MICU1: variants seen among roughly 807,000 people sequenced by gnomAD.
MICU1 encodes mitochondrial calcium uptake 1, also known as calcium uptake protein 1, mitochondrial.
MICU1 carries 45 observed loss-of-function variants against 56.8 expected under a neutral mutation model. That is an observed-to-expected ratio of 0.79 (90% confidence interval 0.62 to 1.02). MICU1 has a LOEUF of 1.02. MICU1 is among the 50% of genes least tolerant of loss of function. MICU1 has a pLI of 0.00. For synonymous variants in MICU1, 186 were observed against 195.1 expected (o/e 0.95, Z 0.39); for missense variants, 504 against 587.1 (o/e 0.86, Z 1.46).
At chr10:72,374,951 C>T (rs1862469772) in intron 11 of MICU1, among the ~76,000 whole-genome samples, 1 of 149,962 alleles carries the variant, frequency 6.7e-6, no homozygotes, top group Admixed American at 6.7e-5. Context: ...GCTGGGATTT[C>T]AGGCACGCAC....
intron 10 of MICU1, among the ~76,000 whole-genome samples, chr10:72,401,162 G>A (rs1479149089): frequency 1.3e-5 from 2 of 152,094 alleles, no homozygotes; most frequent in Non-Finnish European, 2.9e-5. Context: ...TTAATAAAAT[G>A]AAATAAAAGG....
intron 1 of MICU1, among the ~76,000 whole-genome samples, chr10:72,598,813 A>G (rs985018888): frequency 4.9e-4 from 75 of 152,276 alleles, no homozygotes; most frequent in African/African-American, 1.7e-3. Context: ...GGAAAAAACT[A>G]TTTCAGAGCA....
intron 9 of MICU1, among the ~76,000 whole-genome samples, chr10:72,415,068 T>A (rs1282530720): frequency 3.4e-5 from 5 of 147,058 alleles, no homozygotes; most frequent in East Asian, 4.0e-4. Flanking sequence ...TAGGCTGGAG[T>A]GCAATGGAGC....
At chr10:72,493,899 C>T (rs1866750450) in intron 6 of MICU1, among the ~76,000 whole-genome samples, 2 of 152,100 alleles carry the variant, frequency 1.3e-5, no homozygotes, top group Non-Finnish European at 2.9e-5. Context: ...AAAGGTTTTG[C>T]CAATAATTTA....
At chr10:72,592,066 G>C (rs1356174934) in intron 1 of MICU1, among the ~76,000 whole-genome samples, 1 of 149,210 alleles carries the variant, frequency 6.7e-6, no homozygotes, top group South Asian at 2.1e-4. Flanking sequence ...CCGGAATGCA[G>C]TGGCCCGATC....
intron 7 of MICU1, among the ~76,000 whole-genome samples, chr10:72,476,139 A>G (rs11000323): frequency 0.58 from 86,191 of 149,882 alleles, 25,599 homozygotes; most frequent in Non-Finnish European, 0.67. Context: ...AGGCAGGAGA[A>G]TCACTTGAAC....
chr10:72,621,505 T>C (rs1842104739), intron 1 of MICU1, among the ~76,000 whole-genome samples: 1 of 151,780 alleles, frequency 6.6e-6, no homozygotes, highest in South Asian at 2.1e-4. Flanking sequence ...AAAATAATAA[T>C]AATAATAAAA....
At chr10:72,494,741 T>C (rs1397621070) in intron 6 of MICU1, among the ~76,000 whole-genome samples, 3 of 152,014 alleles carry the variant, frequency 2.0e-5, no homozygotes, top group African/African-American at 7.2e-5. Flanking sequence ...TTTTCTTGAA[T>C]TCCTCCAGCA....
chr10:72,408,828 G>A (rs999083426), intron 9 of MICU1, among the ~76,000 whole-genome samples: 8 of 152,114 alleles, frequency 5.3e-5, no homozygotes, highest in South Asian at 2.1e-4. Flanking sequence ...GAACGGTGTC[G>A]GTATTTAGCA....
intron 8 of MICU1, among the ~76,000 whole-genome samples, chr10:72,444,217 T>C (rs1459580945): frequency 1.4e-5 from 2 of 145,920 alleles, no homozygotes; most frequent in African/African-American, 5.1e-5. Flanking sequence ...CTCTGGGGAC[T>C]GTTGTGGGGT....
intron 1 of MICU1, among the ~76,000 whole-genome samples, chr10:72,588,821 T>G (rs1841140762): frequency 6.6e-6 from 1 of 152,152 alleles, no homozygotes; most frequent in Admixed American, 6.5e-5. Context: ...CAAAAATGTC[T>G]TTAGACATTA....
intron 4 of MICU1, among the ~76,000 whole-genome samples, chr10:72,534,521 T>G (rs549417513): frequency 1.1e-4 from 17 of 152,190 alleles, no homozygotes; most frequent in Non-Finnish European, 1.9e-4. Flanking sequence ...TAATTAACAT[T>G]ACAAGGGAGC....
chr10:72,619,948 T>G (rs995768955), intron 1 of MICU1, among the ~76,000 whole-genome samples: 1 of 152,130 alleles, frequency 6.6e-6, no homozygotes, highest in Non-Finnish European at 1.5e-5. Context: ...GGAGGATACA[T>G]TAGAGCTAGA....
At chr10:72,380,706 A>C (rs1248427370) in intron 10 of MICU1, among the ~76,000 whole-genome samples, 5 of 152,232 alleles carry the variant, frequency 3.3e-5, no homozygotes, top group Non-Finnish European at 5.9e-5. Flanking sequence ...AGATGGTAAC[A>C]GAGCTGGGTC....
intron 5 of MICU1, among the ~76,000 whole-genome samples, chr10:72,528,183 A>T (rs11000338): frequency 0.027 from 4,160 of 152,276 alleles, 186 homozygotes; most frequent in African/African-American, 0.096. Context: ...AGTGAAAATG[A>T]GGTTTTAAAA....
chr10:72,370,094 G>C (rs1202437293), intron 11 of MICU1, among the ~76,000 whole-genome samples: 1 of 152,116 alleles, frequency 6.6e-6, no homozygotes, highest in East Asian at 1.9e-4. Flanking sequence ...AGCCAGGATG[G>C]TCTCAATCTC....
chr10:72,451,822 C>T lies in MICU1; in HGVS notation c.933+23278G>A, dbSNP rs182246228. On this transcript the variant is annotated intron_variant, in intron 8 of 11. Transcript: ENST00000361114. ...CCTCTTAAAGTGCTGGGACTACAGA[C>T]ATGAGCCACTGTGCCTGGCCGAAGA... Among the ~76,000 whole-genome samples the T allele has an allele frequency of 6.6e-5, 10 of 152,078 alleles. No homozygotes were observed. The East Asian group carries it at 1.4e-3, about 21-fold the overall frequency.
intron 8 of MICU1, among the ~76,000 whole-genome samples, chr10:72,424,014 A>C (rs1437115112): frequency 1.3e-5 from 2 of 152,194 alleles, no homozygotes; most frequent in Non-Finnish European, 2.9e-5. Flanking sequence ...ACAGAGACCT[A>C]AATTTGTTTC....
chr10:72,400,502 T>C (rs1440199242), intron 10 of MICU1, among the ~76,000 whole-genome samples: 1 of 152,078 alleles, frequency 6.6e-6, no homozygotes, highest in East Asian at 1.9e-4. Context: ...TCCCAGCACT[T>C]TGGGAGGCTA....
Sources: allele counts gnomAD v4.1 joint callset (sites outside exome capture counted in the v4.1 genomes callset), GRCh38; gene constraint gnomAD v4.1.1; transcripts MANE v1.5; gene names NCBI Gene and HGNC (gene_info 2026-07-23, HGNC 2026-07-21).